The following ZBTB20 variants were observed in gnomAD, a reference collection of about 807,000 sequenced individuals.
The protein encoded by ZBTB20 is zinc finger and BTB domain-containing protein 20.
ZBTB20 carries 9 observed loss-of-function variants against 56.9 expected under a neutral mutation model. The ratio of observed to expected loss-of-function variants is 0.16; its 90% CI spans 0.10 to 0.28. The LOEUF is 0.28. ZBTB20 is among the 10% of genes least tolerant of loss of function. ZBTB20 has a pLI of 1.00. For synonymous variants in ZBTB20, 417 were observed against 420.7 expected, an observed-to-expected ratio of 0.99 and a Z score of 0.11; for missense variants, 655 against 1,003.0, an observed-to-expected ratio of 0.65 and a Z score of 4.69.
At chr3:114,355,381 C>T (rs1489859825) in intron 10 of ZBTB20, among the ~76,000 whole-genome samples, 1 of 152,052 alleles carries the variant, frequency 6.6e-6, no homozygotes, top group Non-Finnish European at 1.5e-5. Flanking sequence ...ATTTTATACA[C>T]ACAATTCTTA....
chr3:114,426,745 C>T (rs16822672), intron 7 of ZBTB20, among the ~76,000 whole-genome samples: 2,411 of 152,234 alleles, frequency 0.016, 73 homozygotes, highest in African/African-American at 0.055. Context: ...AGATGATTAC[C>T]AGCCAACTGT....
chr3:114,687,366 A>G (rs1177377408), intron 6 of ZBTB20: 1 of 150,290 alleles, frequency 6.7e-6, no homozygotes, highest in Admixed American at 6.6e-5. Context: ...TACCGGCACT[A>G]AAAAAAAATT....
Position 114,564,198 on chromosome 3 carries a change from C to T in ZBTB20, c.-294-63807G>A, listed in dbSNP as rs368399363. On this transcript the variant is annotated intron_variant, in intron 6 of 11. Transcript: ENST00000675478. ...CTCCTGCCTGCCTCTTTCCTTTAAA[C>T]GGCCCTTATAATCATATTAGGCCTA... Among the ~76,000 whole-genome samples the T allele has an allele frequency of 3.1e-3, 476 of 152,194 alleles. 4 individuals carry two copies. The highest frequency in any genetic ancestry group is 6.9e-3 in the South Asian group (33 of 4,816).
At chr3:114,705,373 T>C (rs2063654332) in intron 5 of ZBTB20, among the ~76,000 whole-genome samples, 1 of 152,088 alleles carries the variant, frequency 6.6e-6, no homozygotes, top group African/African-American at 2.4e-5. Context: ...ATATGCAAAA[T>C]TCCCCCCCAA....
intron 6 of ZBTB20, among the ~76,000 whole-genome samples, chr3:114,642,861 A>C (rs1191003741): frequency 6.6e-6 from 1 of 152,030 alleles, no homozygotes; most frequent in Non-Finnish European, 1.5e-5. Context: ...TTCACTTCAG[A>C]GATTTTGGAA....
intron 6 of ZBTB20, among the ~76,000 whole-genome samples, chr3:114,681,318 G>A (rs1330736818): frequency 1.3e-5 from 2 of 152,010 alleles, no homozygotes; most frequent in East Asian, 1.9e-4. Context: ...GTGCCACCAC[G>A]CCCGGTTAAT....
intron 6 of ZBTB20, among the ~76,000 whole-genome samples, chr3:114,517,442 A>G (rs1319426996): frequency 6.6e-6 from 1 of 152,232 alleles, no homozygotes. Flanking sequence ...TTCACAGTTT[A>G]CAAAGTAATA....
intron 6 of ZBTB20, among the ~76,000 whole-genome samples, chr3:114,507,150 T>C (rs971233514): frequency 6.6e-6 from 1 of 152,186 alleles, no homozygotes; most frequent in African/African-American, 2.4e-5. Context: ...ATGCTCTTTA[T>C]TCTTGGGTCT....
chr3:114,874,556 C>T (rs1214948002), intron 4 of ZBTB20, among the ~76,000 whole-genome samples: 9 of 152,154 alleles, frequency 5.9e-5, no homozygotes, highest in East Asian at 1.9e-4. Context: ...TACATAAAAC[C>T]CTTATTGTCA....
intron 5 of ZBTB20, among the ~76,000 whole-genome samples, chr3:114,760,868 T>C (rs1054350054): frequency 2.6e-5 from 4 of 150,956 alleles, no homozygotes; most frequent in Non-Finnish European, 5.9e-5. Flanking sequence ...TAAATCATAT[T>C]TGCATGACTG....
chr3:114,624,159 G>T (rs762558735), intron 6 of ZBTB20: 7 of 152,150 alleles, frequency 4.6e-5, no homozygotes, highest in Admixed American at 6.6e-5. Flanking sequence ...CTGAGAATCA[G>T]CACACAGTCT....
intron 11 of ZBTB20, among the ~76,000 whole-genome samples, chr3:114,343,143 G>GAAA (rs532287052): frequency 9.2e-6 from 1 of 109,242 alleles, no homozygotes. Context: ...ACTGAAAAGT[G>GAAA]AAAAAAAAAA....
At chr3:114,925,204 G>C (rs1335273728) in intron 3 of ZBTB20, among the ~76,000 whole-genome samples, 2 of 151,488 alleles carry the variant, frequency 1.3e-5, no homozygotes, top group African/African-American at 2.4e-5. Context: ...GGATGGTCTC[G>C]ATCTCTTGAC....
rs1227225728 is a variant in ZBTB20 at position 114,380,368 on chromosome 3, A to T, written c.48T>A (p.Ser16=). 2 of 1,536,686 alleles carry T rather than the reference A, an allele frequency of 1.3e-6. No individual in the cohort carries two copies. The highest frequency in any genetic ancestry group is 1.7e-6 in the Non-Finnish European group (2 of 1,146,626). Residue 16 remains serine, a synonymous_variant, in exon 10 of 12, where the codon TCT becomes TCA. Coordinates refer to ENST00000675478, the MANE Select transcript of ZBTB20 (RefSeq NM_001348800.3). ...CCGGCTGAGTAATCTCATTCTCCTC[A>T]GATGCCTTCTGGTTTTCAGCTGTCT... The part of the protein sequence containing the change: ...KPKTAENQKA[S]EENEITQPGG...
At chr3:114,736,970 C>T (rs753334492) in intron 5 of ZBTB20, among the ~76,000 whole-genome samples, 2 of 152,152 alleles carry the variant, frequency 1.3e-5, no homozygotes, top group Admixed American at 6.6e-5. Context: ...AAAATCTTTA[C>T]CGAGTTTGAT....
At chr3:114,807,990 T>A (rs1044076976) in intron 4 of ZBTB20, among the ~76,000 whole-genome samples, 3 of 152,098 alleles carry the variant, frequency 2.0e-5, no homozygotes, top group African/African-American at 7.2e-5. Flanking sequence ...GCTCTCAGTG[T>A]AATATTGTAC....
intron 3 of ZBTB20, among the ~76,000 whole-genome samples, chr3:114,915,111 T>C (rs1292695778): frequency 1.3e-5 from 2 of 151,902 alleles, no homozygotes; most frequent in East Asian, 3.9e-4. Context: ...ACACATTCCC[T>C]CCTCTTCTAT....
chr3:114,729,192 G>A (rs2065537523), intron 5 of ZBTB20, among the ~76,000 whole-genome samples: 1 of 152,116 alleles, frequency 6.6e-6, no homozygotes, highest in Admixed American at 6.6e-5. Flanking sequence ...CATACTCTTT[G>A]CAAGAAAGAT....
intron 3 of ZBTB20, among the ~76,000 whole-genome samples, chr3:114,938,132 T>A (rs1205619974): frequency 7.7e-6 from 1 of 129,592 alleles, no homozygotes; most frequent in African/African-American, 4.5e-5. Context: ...AAAATAAAAA[T>A]AAAATAAAAT....
Sources: gnomAD v4.1 joint callset for allele counts (sites outside exome capture counted in the v4.1 genomes callset) on GRCh38, gnomAD v4.1.1 for gene constraint, MANE v1.5 for transcripts, NCBI Gene and HGNC (gene_info 2026-07-23, HGNC 2026-07-21) for gene names.